The following PIK3R1 variants were observed in gnomAD, a reference collection of about 807,000 sequenced individuals.
PIK3R1 encodes phosphoinositide-3-kinase regulatory subunit 1.
A neutral mutation model predicts 98.0 loss-of-function variants in PIK3R1; 29 were observed. That is an observed-to-expected ratio of 0.30 (90% CI 0.22 to 0.40). The LOEUF (loss-of-function observed/expected upper bound fraction) is 0.40. Ranked by LOEUF, PIK3R1 falls within the 10% of genes least tolerant of loss-of-function variation. The pLI is 1.00. For synonymous variants in PIK3R1, 282 were observed against 311.8 expected, an observed-to-expected ratio of 0.90 and a Z score of 1.01; for missense variants, 596 against 872.7, an observed-to-expected ratio of 0.68 and a Z score of 3.99.
At chr5:68,216,523 C>A (rs1355666133) in intron 1 of PIK3R1, among the ~76,000 whole-genome samples, 1 of 152,202 alleles carries the variant, frequency 6.6e-6, no homozygotes, top group East Asian at 1.9e-4. Context: ...CCTCCTCTTC[C>A]GGGGTGGGGG....
At chr5:68,272,153 T>TG (rs1017237841) in intron 2 of PIK3R1, among the ~76,000 whole-genome samples, 23 of 145,222 alleles carry the variant, frequency 1.6e-4, no homozygotes, top group East Asian at 4.1e-4. Flanking sequence ...CTCAGGAGGC[T>TG]GGGGGGGGAG....
intron 7 of PIK3R1, among the ~76,000 whole-genome samples, chr5:68,284,394 G>C (rs1203425411): frequency 1.3e-5 from 2 of 152,170 alleles, no homozygotes; most frequent in Non-Finnish European, 2.9e-5. Flanking sequence ...ACCCTGATGT[G>C]GGTACATTGC....
chr5:68,273,557 GCATT>G, intron 3 of PIK3R1, 75 bp downstream of exon 3: 1 of 1,257,062 alleles, frequency 8.0e-7, no homozygotes, highest in East Asian at 2.3e-5. Flanking sequence ...TGTCTCTTGT[GCATT>G]CATTAAGTAA....
At chr5:68,292,165 ACT>A (rs2112243844) in intron 7 of PIK3R1, 92 bp from the exon 8 acceptor site, 1 of 707,118 alleles carries the variant, frequency 1.4e-6, no homozygotes, top group African/African-American at 1.8e-5. Context: ...AGTTACTCTA[ACT>A]TTTTATTTTT....
intron 7 of PIK3R1, among the ~76,000 whole-genome samples, chr5:68,287,309 A>ATT (rs143179702): frequency 6.6e-6 from 1 of 151,428 alleles, no homozygotes; most frequent in African/African-American, 2.4e-5. Flanking sequence ...AGTTTTGTCC[A>ATT]TTTTTTTTTA....
At chr5:68,294,942 CTAAAACT>C (rs1747617250) in intron 12 of PIK3R1, among the ~76,000 whole-genome samples, 199 bp from the exon 13 acceptor site, 1 of 146,466 alleles carries the variant, frequency 6.8e-6, no homozygotes, top group African/African-American at 2.6e-5. Flanking sequence ...CACATGTACC[CTAAAACT>C]TAAAGTATAA....
chr5:68,284,076 T>C (rs1312467086), intron 7 of PIK3R1, among the ~76,000 whole-genome samples: 1 of 152,206 alleles, frequency 6.6e-6, no homozygotes, highest in Non-Finnish European at 1.5e-5. Context: ...ATCTCAACTC[T>C]CTCGAGTAAC....
intron 2 of PIK3R1, among the ~76,000 whole-genome samples, chr5:68,229,834 G>T (rs1744405903): frequency 1.3e-5 from 2 of 152,194 alleles, no homozygotes; most frequent in Admixed American, 1.3e-4. Flanking sequence ...AAACCCATTA[G>T]GAAATCTTAT....
intron 13 of PIK3R1, 27 bp from the exon 14 acceptor site, chr5:68,295,393 C>T (rs555112370): frequency 1.5e-5 from 25 of 1,613,440 alleles, no homozygotes; most frequent in Middle Eastern, 1.6e-4. Flanking sequence ...TGAGTTAATG[C>T]GTTCTCTTTT....
At chr5:68,293,224 T>C (rs1269659983) in intron 9 of PIK3R1, 25 bp downstream of exon 9, 3 of 1,603,756 alleles carry the variant, frequency 1.9e-6, no homozygotes, top group Non-Finnish European at 2.6e-6. Flanking sequence ...ATAGCTGAAA[T>C]TAGGGTTTTG....
At chr5:68,235,399 T>C (rs1423759777) in intron 2 of PIK3R1, among the ~76,000 whole-genome samples, 1 of 127,500 alleles carries the variant, frequency 7.8e-6, no homozygotes, top group African/African-American at 3.1e-5. Context: ...TGAAAGTGTC[T>C]CAAAATAAAT....
At chr5:68,262,049 G>A (rs1448101869) in intron 2 of PIK3R1, among the ~76,000 whole-genome samples, 1 of 152,106 alleles carries the variant, frequency 6.6e-6, no homozygotes, top group East Asian at 1.9e-4. Context: ...ACCAGCCTGA[G>A]TCACTGCTAC....
rs77349251 is a variant in PIK3R1, at chr5:68,269,125, C to T, written c.335-4265C>T. 4.4e-3 allele frequency among the ~76,000 whole-genome samples: 674 copies of T among 152,262 alleles called. 6 individuals carry two copies. The highest frequency in any genetic ancestry group is 0.016 in the African/African-American group (652 of 41,548). On this transcript the variant is annotated intron_variant, in intron 2 of 15. Transcript: ENST00000521381. The stretch of plus-strand genomic sequence containing the variant: ...AATCCTCCTTTCTTTTGAAATAATG[C>T]GTGTCTTGGATTCACTACTTTTAAA...
chr5:68,272,158 G>A (rs897434429), intron 2 of PIK3R1, among the ~76,000 whole-genome samples: 6 of 151,126 alleles, frequency 4.0e-5, no homozygotes, highest in African/African-American at 1.2e-4. Context: ...GAGGCTGGGG[G>A]GGGAGGATCA....
At chr5:68,262,902 T>G (rs1368554277) in intron 2 of PIK3R1, among the ~76,000 whole-genome samples, 1 of 77,480 alleles carries the variant, frequency 1.3e-5, no homozygotes, top group Non-Finnish European at 2.7e-5. Flanking sequence ...TATACATATA[T>G]ACATGTAGAT....
intron 7 of PIK3R1, among the ~76,000 whole-genome samples, chr5:68,289,812 G>C (rs1253286069): frequency 2.3e-5 from 3 of 132,692 alleles, no homozygotes; most frequent in Non-Finnish European, 4.7e-5. Flanking sequence ...TCCCGTTCAA[G>C]CAGTATTAGT....
At chr5:68,294,347 G>A (rs572855792) in intron 11 of PIK3R1, among the ~76,000 whole-genome samples, 189 bp from the exon 12 acceptor site, 45 of 152,278 alleles carry the variant, frequency 3.0e-4, no homozygotes, top group East Asian at 1.9e-4. Flanking sequence ...AAATTGCTAC[G>A]CAATCATTTT....
chr5:68,299,918 G>A lies in PIK3R1; in HGVS notation c.*2317G>A, dbSNP rs968804953. 6.0e-5 allele frequency: 14 copies of A among 232,990 alleles called. No individual in the cohort carries two copies. Among genetic ancestry groups the A allele is most frequent in the Admixed American group, 2.3e-4 (4 of 17,762 alleles). The allele number at this position is 232,990 out of a possible 1,614,324, so 14.4% of individuals were successfully genotyped here. ...GACGATTTCCCTGGTTTTAGTCTGC[G>A]TCTCTGCTTTAAAGTTATTGTGATA... On this transcript the variant is annotated 3_prime_UTR_variant, in exon 16 of 16. Coordinates refer to ENST00000521381, the MANE Select transcript of PIK3R1 (RefSeq NM_181523.3).
chr5:68,243,346 T>G (rs56351136), intron 2 of PIK3R1, among the ~76,000 whole-genome samples: 14,188 of 152,304 alleles, frequency 0.093, 842 homozygotes, highest in Non-Finnish European at 0.13. Flanking sequence ...TTGAAAAGTT[T>G]TGATGTTCTG....
Sources: gnomAD v4.1 joint callset for allele counts (sites outside exome capture counted in the v4.1 genomes callset) on GRCh38, gnomAD v4.1.1 for gene constraint, MANE v1.5 for transcripts, NCBI Gene and HGNC (gene_info 2026-07-23, HGNC 2026-07-21) for gene names.